Variants in ACADL observed in about 807,000 individuals in gnomAD.
The protein encoded by ACADL is long-chain specific acyl-CoA dehydrogenase, mitochondrial.
In ACADL, 60 loss-of-function variants were observed where a neutral mutation model predicts 56.9. The ratio of observed to expected loss-of-function variants is 1.05; its 90% CI spans 0.86 to 1.31. ACADL has a LOEUF of 1.31. Ranked by LOEUF, ACADL falls within the 50% of genes most tolerant of loss-of-function variation. The probability of loss-of-function intolerance (pLI) is 0.00; values close to 1 mark genes in which losing one functional copy is unlikely to be tolerated. For synonymous variants in ACADL, 158 were observed against 179.7 expected (o/e 0.88, Z 0.97); for missense variants, 484 against 525.5 (o/e 0.92, Z 0.77).
At chr2:210,194,218 G>A (rs1261781930) in intron 9 of ACADL, among the ~76,000 whole-genome samples, 4 of 152,078 alleles carry the variant, frequency 2.6e-5, no homozygotes, top group African/African-American at 7.2e-5. Context: ...TCTTGTAAAT[G>A]TAAATATAAA....
At chr2:210,217,008 T>C (rs1689099030) in intron 3 of ACADL, among the ~76,000 whole-genome samples, 1 of 152,000 alleles carries the variant, frequency 6.6e-6, no homozygotes, top group African/African-American at 2.4e-5. Context: ...TTTAAAATTA[T>C]GACACACATA....
chr2:210,219,519 T>C (rs1341049291), intron 2 of ACADL, among the ~76,000 whole-genome samples: 2 of 152,150 alleles, frequency 1.3e-5, no homozygotes, highest in South Asian at 2.1e-4. Context: ...CAGAAGCTAG[T>C]TGCTTTTCAC....
chr2:210,217,818 C>A, intron 3 of ACADL, 147 bp downstream of exon 3: 1 of 1,014,792 alleles, frequency 9.9e-7, no homozygotes, highest in South Asian at 1.5e-5. Flanking sequence ...AGTGCATGAG[C>A]GGTATAATCT....
At chr2:210,192,164 T>G (rs1450618333) in intron 10 of ACADL, among the ~76,000 whole-genome samples, 1 of 150,848 alleles carries the variant, frequency 6.6e-6, no homozygotes, top group African/African-American at 2.4e-5. Flanking sequence ...TTTTCTGTAT[T>G]GCTTTTTTTT....
chr2:210,225,274 C>G lies in ACADL; in HGVS notation c.-11G>C, dbSNP rs1385203535. The G allele has an allele frequency of 3.2e-6, 5 of 1,552,488 alleles. No individual in the cohort carries two copies. Among genetic ancestry groups the G allele is most frequent in the Non-Finnish European group, 4.3e-6 (5 of 1,155,074 alleles). ...AAGGCGTGCGGCCATGTCCGAAACA[C>G]AGGGGCGGCGGGGCGACGGAGGCGA... On this transcript the variant is annotated 5_prime_UTR_variant, in exon 1 of 11. Coordinates refer to ENST00000233710, the MANE Select transcript of ACADL (RefSeq NM_001608.4).
rs1393427471 is a variant in ACADL, at chr2:210,188,935, TAGGACTCC to T, written c.*18_*25del. On this transcript the variant is annotated 3_prime_UTR_variant, in exon 11 of 11. Coordinates refer to ENST00000233710, the MANE Select transcript of ACADL (RefSeq NM_001608.4). ...AGATTTAAAACGAGATTAGCTGTAA[TAGGACTCC>T]AGGATGTGGGCAGATGTCTACTTGT... The T allele has an allele frequency of 2.6e-6, 4 of 1,524,692 alleles. No homozygotes were observed. Among genetic ancestry groups the T allele is most frequent in the Non-Finnish European group, 3.6e-6 (4 of 1,098,786 alleles). 94.4% of individuals were successfully genotyped at this position (1,524,692 alleles called of 1,614,324 possible). A position where few individuals can be genotyped will look rare whatever the true frequency, so the allele number is the denominator to read the frequency against.
At chr2:210,200,977 T>C (rs1225285143) in intron 8 of ACADL, among the ~76,000 whole-genome samples, 2 of 151,904 alleles carry the variant, frequency 1.3e-5, no homozygotes, top group Admixed American at 6.6e-5. Context: ...GCCGAGGGTC[T>C]CTGGTGAAAC....
At position 210,225,305 on chromosome 2, in the gene ACADL, C is replaced by T. The variant is rs1369577677; in HGVS notation, c.-42G>A. On this transcript the variant is annotated 5_prime_UTR_variant, in exon 1 of 11. Coordinates refer to ENST00000233710, the MANE Select transcript of ACADL (RefSeq NM_001608.4). ...CGGCGGGGCGACGGAGGCGACTCTG[C>T]GGCTACTCGGCGACTCGGGGCAGGG... 4 of 1,529,190 alleles carry T rather than the reference C, an allele frequency of 2.6e-6. No homozygotes were observed. Among genetic ancestry groups the T allele is most frequent in the Admixed American group, 3.9e-5 (2 of 51,062 alleles). The allele number at this position is 1,529,190 out of a possible 1,614,324, so 94.7% of individuals were successfully genotyped here. A position where few individuals can be genotyped will look rare whatever the true frequency, so the allele number is the denominator to read the frequency against.
chr2:210,216,361 C>A lies in ACADL; in HGVS notation c.522G>T (p.Glu174Asp), dbSNP rs1425763481. ...GKCIGAIAMTEPGAGSDLQGI... is the reference protein window; with the variant it reads ...GKCIGAIAMTDPGAGSDLQGI... ...TATTAACTTACCTTCCAGCTCCAGGCTCTGTCATTGCTATTGCACCAATAC... is the reference window on the plus strand; with the variant it reads ...TATTAACTTACCTTCCAGCTCCAGGATCTGTCATTGCTATTGCACCAATAC... Residue 174 changes from glutamate to aspartate, a missense_variant, in exon 4 of 11, where the codon GAG becomes GAT. Glu to Asp is a conservative substitution (Grantham distance 45, BLOSUM62 2). Coordinates refer to ENST00000233710, the MANE Select transcript of ACADL (RefSeq NM_001608.4). 29 of 1,613,612 alleles carry A rather than the reference C, an allele frequency of 1.8e-5. No individual in the cohort carries two copies. The highest frequency in any genetic ancestry group is 2.5e-5 in the Non-Finnish European group (29 of 1,179,772).
intron 2 of ACADL, chr2:210,218,462 T>C (rs1689126187): frequency 8.2e-6 from 2 of 244,974 alleles, no homozygotes; most frequent in South Asian, 9.9e-5. Flanking sequence ...AAAAAAATTT[T>C]TTTTTGTAGA....
At position 210,225,332 on chromosome 2, in the gene ACADL, C is replaced by A; in HGVS notation, c.-69G>T. Reference sequence around the variant, plus strand: ...GCTACTCGGCGACTCGGGGCAGGGTCCCCGGGAGGGAGGACGATCAGCTGA... The same window carrying A: ...GCTACTCGGCGACTCGGGGCAGGGTACCCGGGAGGGAGGACGATCAGCTGA... On this transcript the variant is annotated 5_prime_UTR_variant, in exon 1 of 11. Transcript: ENST00000233710. 2 of 1,484,310 alleles carry A rather than the reference C, an allele frequency of 1.3e-6. No individual in the cohort carries two copies. Among genetic ancestry groups the A allele is most frequent in the South Asian group, 1.2e-5 (1 of 81,994 alleles). The allele number at this position is 1,484,310 out of a possible 1,614,324, so 91.9% of individuals were successfully genotyped here.
chr2:210,218,219 T>C, intron 2 of ACADL, 117 bp from the exon 3 acceptor site: 1 of 1,021,882 alleles, frequency 9.8e-7, no homozygotes, highest in Non-Finnish European at 1.5e-6. Context: ...AGGTAGTTAT[T>C]TACATTAGCC....
At chr2:210,220,223 C>G (rs1213121821) in intron 2 of ACADL, among the ~76,000 whole-genome samples, 1 of 152,076 alleles carries the variant, frequency 6.6e-6, no homozygotes, top group Non-Finnish European at 1.5e-5. Context: ...AGATAAGTTT[C>G]TGGTCAATAA....
At chr2:210,191,305 A>C (rs1448012526) in intron 10 of ACADL, among the ~76,000 whole-genome samples, 1 of 152,202 alleles carries the variant, frequency 6.6e-6, no homozygotes, top group Non-Finnish European at 1.5e-5. Context: ...CAAACTGGCC[A>C]AGAAAGGTGA....
At chr2:210,199,313 A>G (rs1389596258) in intron 8 of ACADL, among the ~76,000 whole-genome samples, 1 of 152,162 alleles carries the variant, frequency 6.6e-6, no homozygotes, top group Non-Finnish European at 1.5e-5. Flanking sequence ...CTTACTTGGA[A>G]AACAATACTA....
At chr2:210,194,526 T>C (rs1688679156) in intron 9 of ACADL, among the ~76,000 whole-genome samples, 1 of 152,200 alleles carries the variant, frequency 6.6e-6, no homozygotes, top group Admixed American at 6.5e-5. Context: ...TACAGGGATG[T>C]TTTTTCATTC....
chr2:210,198,695 T>C (rs1575672980), intron 8 of ACADL, among the ~76,000 whole-genome samples: 2 of 152,238 alleles, frequency 1.3e-5, no homozygotes, highest in Non-Finnish European at 2.9e-5. Flanking sequence ...AACCTCTCTA[T>C]ACCTTAATTT....
At chr2:210,214,019 T>G (rs1305235576) in intron 4 of ACADL, among the ~76,000 whole-genome samples, 2 of 87,478 alleles carry the variant, frequency 2.3e-5, no homozygotes, top group Non-Finnish European at 2.4e-5. Context: ...CATCTCTATT[T>G]CTTTAAAAAA....
intron 3 of ACADL, chr2:210,217,510 A>G (rs368596187): frequency 6.1e-6 from 1 of 164,704 alleles, no homozygotes; most frequent in African/African-American, 2.4e-5. Flanking sequence ...GTTACTAAGG[A>G]TGAACTTTTC....
Sources: gnomAD v4.1 joint callset for allele counts (sites outside exome capture counted in the v4.1 genomes callset) on GRCh38, gnomAD v4.1.1 for gene constraint, MANE v1.5 for transcripts, NCBI Gene and HGNC (gene_info 2026-07-23, HGNC 2026-07-21) for gene names.